The following RPS6KA2 variants were observed in gnomAD, a reference collection of about 807,000 sequenced individuals.
RPS6KA2 encodes ribosomal protein S6 kinase alpha-2.
Under a neutral mutation model 91.8 loss-of-function variants are expected in RPS6KA2, and 42 were observed. The observed-to-expected ratio is 0.46, with a 90% CI of 0.36 to 0.59. RPS6KA2 has a LOEUF of 0.59. Among genes scored for constraint, RPS6KA2 ranks in the 20% least tolerant of loss-of-function variants. The pLI is 0.00. For missense variants in RPS6KA2, 798 were observed against 978.5 expected (o/e 0.82, Z 2.46); for synonymous variants, 414 against 393.6 (o/e 1.05, Z -0.61).
rs140805906 is a variant in RPS6KA2 at position 166,439,544 on chromosome 6, C to A, written c.1333-7054G>T. On this transcript the variant is annotated intron_variant, in intron 14 of 20. Coordinates refer to ENST00000265678, the MANE Select transcript of RPS6KA2 (RefSeq NM_021135.6). ...GCCCGACTTTGTTGAGGTGCTGGAA[C>A]TATAGCAAAAGCAAAGCCTTTGTTG... Among the ~76,000 whole-genome samples the A allele has an allele frequency of 1.4e-3, 216 of 152,324 alleles. 2 individuals carry two copies. In the East Asian group the frequency reaches 0.026, roughly 18 times the overall value.
At chr6:166,829,272 G>A (rs1780118647) in intron 2 of RPS6KA2, among the ~76,000 whole-genome samples, 1 of 152,174 alleles carries the variant, frequency 6.6e-6, no homozygotes, top group Non-Finnish European at 1.5e-5. Flanking sequence ...TGGAAAACAG[G>A]ACGGTGGTTC....
intron 1 of RPS6KA2, among the ~76,000 whole-genome samples, chr6:166,574,442 G>A (rs4710066): frequency 0.3 from 45,155 of 152,130 alleles, 7,830 homozygotes; most frequent in South Asian, 0.47. Context: ...TAATTTGCTT[G>A]GGATAATGAC....
At chr6:166,611,276 T>C (rs187720860) in intron 1 of RPS6KA2, among the ~76,000 whole-genome samples, 1 of 152,348 alleles carries the variant, frequency 6.6e-6, no homozygotes, top group East Asian at 1.9e-4. Flanking sequence ...CTGCTAAATA[T>C]ACCATATGTG....
chr6:166,744,879 C>T (rs11963666), intron 2 of RPS6KA2, among the ~76,000 whole-genome samples: 2,150 of 152,276 alleles, frequency 0.014, 31 homozygotes, highest in African/African-American at 0.036. Flanking sequence ...GGGCCTTCCC[C>T]GGCTCTGGGA....
chr6:166,859,016 CG>C (rs1562475002), intron 1 of RPS6KA2, among the ~76,000 whole-genome samples: 2 of 79,582 alleles, frequency 2.5e-5, no homozygotes, highest in Non-Finnish European at 7.6e-5. Flanking sequence ...GCAGCAGACA[CG>C]GGAGAGCTCC....
chr6:166,618,404 T>C (rs2128538418), intron 1 of RPS6KA2, among the ~76,000 whole-genome samples: 1 of 152,180 alleles, frequency 6.6e-6, no homozygotes, highest in East Asian at 1.9e-4. Context: ...CTCAGGGCCA[T>C]GCAAAGCAGG....
rs78004651 is a variant in RPS6KA2 at position 166,542,810 on chromosome 6, C to T, written c.100-4026G>A. Reference sequence around the variant, plus strand: ...AGGTCATTTCCTCTGCTCTGAATCACCTGCTCTTCATGTCATTAAAGGGAT... The same window carrying T: ...AGGTCATTTCCTCTGCTCTGAATCATCTGCTCTTCATGTCATTAAAGGGAT... On this transcript the variant is annotated intron_variant, in intron 1 of 20. Coordinates refer to ENST00000265678, the MANE Select transcript of RPS6KA2 (RefSeq NM_021135.6). Among the ~76,000 whole-genome samples, 998 of 152,212 alleles carry T rather than the reference C, an allele frequency of 6.6e-3. 11 individuals are homozygous for T. The highest frequency in any genetic ancestry group is 0.022 in the African/African-American group (905 of 41,538).
chr6:166,480,902 G>A lies in RPS6KA2; in HGVS notation c.907+7931C>T, dbSNP rs74532298. ...TGACCTTAGCTGATCCACACGCCTC[G>A]GCTGGGATTACAGGTATGAGCCACA... On this transcript the variant is annotated intron_variant, in intron 10 of 20. Coordinates refer to ENST00000265678, the MANE Select transcript of RPS6KA2 (RefSeq NM_021135.6). 7.2e-5 allele frequency among the ~76,000 whole-genome samples: 11 copies of A among 152,114 alleles called. No individual in the cohort carries two copies. In the East Asian group the frequency reaches 1.5e-3, roughly 21 times the overall value.
chr6:166,471,151 C>A (rs940059011), intron 10 of RPS6KA2, among the ~76,000 whole-genome samples: 31 of 152,226 alleles, frequency 2.0e-4, no homozygotes, highest in Admixed American at 1.0e-3. Flanking sequence ...CTTCGTGGAG[C>A]CCCCCTCATG....
rs546321405 is a variant in RPS6KA2, at chr6:166,767,590, A to G, written c.123+90610T>C. ...TCAAAGGGACCCAGGAAGGGTGAAC[A>G]TTCGGCCAGAATGTGTTGAGCGTCC... On this transcript the variant is annotated intron_variant, in intron 2 of 21. Transcript: ENST00000503859. The surrounding 1 kb of genome is among the most constrained non-coding windows in gnomAD (Gnocchi z 4.6). Among the ~76,000 whole-genome samples the G allele has an allele frequency of 3.1e-4, 47 of 152,194 alleles. No individual in the cohort carries two copies. Among genetic ancestry groups the G allele is most frequent in the Admixed American group, 1.8e-3 (27 of 15,282 alleles).
At chr6:166,607,317 C>T (rs1401560613) in intron 1 of RPS6KA2, among the ~76,000 whole-genome samples, 1 of 152,110 alleles carries the variant, frequency 6.6e-6, no homozygotes, top group Admixed American at 6.6e-5. Context: ...CATATGTCCA[C>T]ACAAAAACCT....
chr6:166,780,133 C>T (rs1016697345), intron 2 of RPS6KA2, among the ~76,000 whole-genome samples: 5 of 152,224 alleles, frequency 3.3e-5, no homozygotes, highest in African/African-American at 7.2e-5. Context: ...TGAGTAGCGT[C>T]ACTGTGACCA....
At chr6:166,534,561 G>T (rs941900934) in intron 2 of RPS6KA2, among the ~76,000 whole-genome samples, 6 of 152,202 alleles carry the variant, frequency 3.9e-5, no homozygotes, top group African/African-American at 1.4e-4. Flanking sequence ...ACTCAAGTCT[G>T]AACTGGAGAC....
chr6:166,632,937 G>A (rs774439002), intron 2 of RPS6KA2, among the ~76,000 whole-genome samples: 2 of 152,206 alleles, frequency 1.3e-5, no homozygotes, highest in Admixed American at 1.3e-4. Context: ...CCTCGGGGCC[G>A]GGCGCAGGGG....
In RPS6KA2 at chr6:166,463,846, G is replaced by A. The variant is rs138044526; in HGVS notation, c.973-4295C>T. On this transcript the variant is annotated intron_variant, in intron 11 of 20. Coordinates refer to ENST00000265678, the MANE Select transcript of RPS6KA2 (RefSeq NM_021135.6). The stretch of plus-strand genomic sequence containing the variant: ...AAAGCGCCGCAGGAAGAATCTAAAC[G>A]ATTTTCAAAGCGTCACGATGGGTGT... Among the ~76,000 whole-genome samples the A allele has an allele frequency of 3.8e-3, 583 of 152,304 alleles. 1 individual carries two copies. Among genetic ancestry groups the A allele is most frequent in the African/African-American group, 0.011 (462 of 41,564 alleles).
intron 2 of RPS6KA2, among the ~76,000 whole-genome samples, chr6:166,688,761 G>C (rs1026646747): frequency 1.3e-5 from 2 of 152,214 alleles, no homozygotes; most frequent in African/African-American, 4.8e-5. Context: ...AACCCCGCAT[G>C]GGGGCAGCCT....
chr6:166,498,452 G>C (rs1781875272), intron 8 of RPS6KA2, 56 bp downstream of exon 8: 1 of 1,545,568 alleles, frequency 6.5e-7, no homozygotes, highest in Non-Finnish European at 8.7e-7. Context: ...CCTGGGGACA[G>C]GGGTCCACGT....
rs946697361 is a variant in RPS6KA2 at position 166,772,714 on chromosome 6, C to T, written c.123+85486G>A. Among the ~76,000 whole-genome samples, 13 of 152,194 alleles carry T rather than the reference C, an allele frequency of 8.5e-5. No homozygotes were observed. The East Asian group carries it at 1.2e-3, about 14-fold the overall frequency. On this transcript the variant is annotated intron_variant, in intron 2 of 21. Transcript: ENST00000503859. ...TTCAAAGGAAGTGCCCCACAGATGG[C>T]GCTACTAAGCCCGGCTGTCGGGACA... is the stretch of plus-strand genomic sequence containing the variant.
Position 166,569,075 on chromosome 6 carries a change from A to T in RPS6KA2, c.100-30291T>A, listed in dbSNP as rs563453581. Among the ~76,000 whole-genome samples, 4 of 152,404 alleles carry T rather than the reference A, an allele frequency of 2.6e-5. No homozygotes were observed. In the East Asian group the frequency reaches 7.7e-4, roughly 29 times the overall value. On this transcript the variant is annotated intron_variant, in intron 1 of 20. Coordinates refer to ENST00000265678, the MANE Select transcript of RPS6KA2 (RefSeq NM_021135.6). ...TAATAACAAAGAAGGGTATTGGGAA[A>T]AAAACAAGTCTGTAAGTAAAAAAAT...
Sources: gnomAD v4.1 joint callset for allele counts (sites outside exome capture counted in the v4.1 genomes callset) on GRCh38, gnomAD v4.1.1 for gene constraint, Gnocchi (gnomAD v3.1) non-coding constraint, MANE v1.5 for transcripts, NCBI Gene and HGNC (gene_info 2026-07-23, HGNC 2026-07-21) for gene names.